DCDC1: variants seen among roughly 807,000 people sequenced by gnomAD.
DCDC1 encodes doublecortin domain containing 1, also known as doublecortin domain-containing protein 1.
In DCDC1, 200 loss-of-function variants were observed where a neutral mutation model predicts 178.3. The observed-to-expected ratio is 1.12, with a 90% CI of 1.00 to 1.26. The LOEUF is 1.26. Among genes scored for constraint, DCDC1 ranks in the 50% most tolerant of loss-of-function variants. The pLI is 0.00. For missense variants in DCDC1, 1,983 were observed against 1,749.2 expected, an observed-to-expected ratio of 1.13 and a Z score of -2.38; for synonymous variants, 690 against 604.8, an observed-to-expected ratio of 1.14 and a Z score of -2.07.
intron 2 of DCDC1, among the ~76,000 whole-genome samples, chr11:31,332,809 T>C (rs534069347): frequency 6.6e-4 from 100 of 152,316 alleles, no homozygotes; most frequent in African/African-American, 2.3e-3. Context: ...AACTATGTGG[T>C]CAATTTTGGA....
At position 30,864,024 on chromosome 11, in the gene DCDC1, G is replaced by C. The variant is rs980295360; in HGVS notation, c.*1349C>G. On this transcript the variant is annotated 3_prime_UTR_variant, in exon 39 of 39. Transcript: ENST00000684477. Reference sequence around the variant, plus strand: ...CGCCTGTAGTCCCAGCTACTCAGGAGGCTGAGACAGGAGAATTGCTTGAAC... The same window carrying C: ...CGCCTGTAGTCCCAGCTACTCAGGACGCTGAGACAGGAGAATTGCTTGAAC... 3.3e-5 allele frequency: 5 copies of C among 152,270 alleles called. No homozygotes were observed. The highest frequency in any genetic ancestry group is 7.3e-5 in the Non-Finnish European group (5 of 68,096). 9.4% of individuals were successfully genotyped at this position (152,270 alleles called of 1,614,324 possible). A position where few individuals can be genotyped will look rare whatever the true frequency, so the allele number is the denominator to read the frequency against.
intron 3 of DCDC1, among the ~76,000 whole-genome samples, chr11:31,321,611 T>A (rs1949361830): frequency 6.6e-6 from 1 of 152,094 alleles, no homozygotes; most frequent in Non-Finnish European, 1.5e-5. Flanking sequence ...AAATCACCCG[T>A]CTTCTGCGTC....
chr11:31,002,927 T>A (rs1951651945), intron 20 of DCDC1, among the ~76,000 whole-genome samples: 1 of 152,030 alleles, frequency 6.6e-6, no homozygotes, highest in Admixed American at 6.6e-5. Context: ...CATACAAGAA[T>A]CCCATTCAAA....
intron 22 of DCDC1, among the ~76,000 whole-genome samples, chr11:30,929,285 T>C (rs1217493378): frequency 6.6e-6 from 1 of 152,074 alleles, no homozygotes; most frequent in East Asian, 1.9e-4. Context: ...GCATCCCTGT[T>C]CTCTATCTCA....
At chr11:31,075,639 T>C (rs1430942571) in intron 18 of DCDC1, among the ~76,000 whole-genome samples, 1 of 152,236 alleles carries the variant, frequency 6.6e-6, no homozygotes, top group East Asian at 1.9e-4. Flanking sequence ...CTCTGATGAT[T>C]AGTGATGTTA....
At chr11:31,237,673 A>C (rs1015961932) in intron 9 of DCDC1, among the ~76,000 whole-genome samples, 11 of 152,068 alleles carry the variant, frequency 7.2e-5, no homozygotes, top group Admixed American at 2.0e-4. Flanking sequence ...CTTCAGACAT[A>C]AATAGAAATT....
At chr11:31,102,939 CTT>C (rs1404721342) in intron 14 of DCDC1, among the ~76,000 whole-genome samples, 3 of 152,240 alleles carry the variant, frequency 2.0e-5, no homozygotes, top group Middle Eastern at 6.8e-3. Flanking sequence ...AGCTGTGTGA[CTT>C]TGGACAAATT....
At chr11:31,012,607 CAAAA>C (rs780824791) in intron 20 of DCDC1, among the ~76,000 whole-genome samples, 1 of 74,616 alleles carries the variant, frequency 1.3e-5, no homozygotes, top group Non-Finnish European at 3.0e-5. Context: ...CCTGTCTCAA[CAAAA>C]AAAAAAAAAA....
At chr11:31,089,647 G>A (rs140534876) in intron 17 of DCDC1, among the ~76,000 whole-genome samples, 22 of 137,938 alleles carry the variant, frequency 1.6e-4, no homozygotes, top group African/African-American at 5.5e-4. Context: ...TTTTCTCTCC[G>A]GTTTTCCTTG....
chr11:31,041,256 G>T (rs910126346), intron 20 of DCDC1, among the ~76,000 whole-genome samples: 1 of 152,138 alleles, frequency 6.6e-6, no homozygotes, highest in Non-Finnish European at 1.5e-5. Context: ...TAACAAATGA[G>T]TAAACCAGAC....
rs77129730 is a variant in DCDC1 at position 31,208,519 on chromosome 11, C to A, written c.1221+32931G>T. On this transcript the variant is annotated intron_variant, in intron 9 of 38. Transcript: ENST00000684477. The stretch of plus-strand genomic sequence containing the variant: ...GTCTGTCTCCGCTCATCCTACAATG[C>A]CTCCTCCACATACGAGTCAGCATTA... Among the ~76,000 whole-genome samples, 387 of 152,310 alleles carry A rather than the reference C, an allele frequency of 2.5e-3. 2 individuals are homozygous for A. Among genetic ancestry groups the A allele is most frequent in the Non-Finnish European group, 3.9e-3 (263 of 68,026 alleles).
chr11:30,962,904 G>C (rs971998104), intron 20 of DCDC1, among the ~76,000 whole-genome samples: 3 of 152,024 alleles, frequency 2.0e-5, no homozygotes, highest in Admixed American at 6.6e-5. Context: ...TTGCAACTCA[G>C]TAGTCTCTAC....
intron 11 of DCDC1, among the ~76,000 whole-genome samples, chr11:31,126,327 GCA>G: frequency 6.6e-6 from 1 of 152,276 alleles, no homozygotes; most frequent in East Asian, 1.9e-4. Context: ...CAATGCTACT[GCA>G]CTATAGAAAC....
At chr11:31,298,104 G>A (rs866539317) in intron 6 of DCDC1, among the ~76,000 whole-genome samples, 3 of 152,096 alleles carry the variant, frequency 2.0e-5, no homozygotes, top group Admixed American at 6.5e-5. Flanking sequence ...AAATCTCAAC[G>A]GCAGTAACAT....
intron 8 of DCDC1, among the ~76,000 whole-genome samples, chr11:31,249,207 G>T (rs988786061): frequency 6.6e-6 from 1 of 152,028 alleles, no homozygotes; most frequent in Non-Finnish European, 1.5e-5. Context: ...ATATAAAAGA[G>T]GGCTTATGTT....
At chr11:31,249,841 A>G (rs1396669611) in intron 8 of DCDC1, among the ~76,000 whole-genome samples, 1 of 152,176 alleles carries the variant, frequency 6.6e-6, no homozygotes, top group Non-Finnish European at 1.5e-5. Flanking sequence ...CTTTATCCAT[A>G]AGCCTAATCT....
intron 7 of DCDC1, among the ~76,000 whole-genome samples, chr11:31,278,849 A>G (rs773345951): frequency 1.3e-5 from 2 of 152,134 alleles, no homozygotes; most frequent in Non-Finnish European, 2.9e-5. Context: ...CTAAAATACA[A>G]CTTTTTAAAA....
chr11:31,262,224 A>T (rs1323305095), intron 8 of DCDC1, among the ~76,000 whole-genome samples: 3 of 151,694 alleles, frequency 2.0e-5, no homozygotes, highest in African/African-American at 4.8e-5. Flanking sequence ...CTGTGGTTGC[A>T]CCACTGCACT....
chr11:30,990,903 C>T (rs898330249), intron 20 of DCDC1, among the ~76,000 whole-genome samples: 4 of 152,284 alleles, frequency 2.6e-5, no homozygotes, highest in Middle Eastern at 3.4e-3. Context: ...ATTCTTGTGA[C>T]ATTTTCCAGG....
Sources: gnomAD v4.1 joint callset for allele counts (sites outside exome capture counted in the v4.1 genomes callset) on GRCh38, gnomAD v4.1.1 for gene constraint, MANE v1.5 for transcripts, NCBI Gene and HGNC (gene_info 2026-07-23, HGNC 2026-07-21) for gene names.